CPXM2: variants seen among roughly 807,000 people sequenced by gnomAD.
CPXM2 encodes the protein carboxypeptidase X, M14 family member 2, also known as inactive carboxypeptidase-like protein X2.
CPXM2 carries 66 observed loss-of-function variants against 86.1 expected under a neutral mutation model. The ratio of observed to expected loss-of-function variants is 0.77; its 90% CI spans 0.63 to 0.94. CPXM2 has a LOEUF of 0.94. CPXM2 is among the 40% of genes least tolerant of loss of function. The probability of loss-of-function intolerance (pLI) is 0.00; values close to 1 mark genes in which losing one functional copy is unlikely to be tolerated. For synonymous variants in CPXM2, 388 were observed against 400.2 expected, an observed-to-expected ratio of 0.97 and a Z score of 0.36; for missense variants, 948 against 1,026.3, an observed-to-expected ratio of 0.92 and a Z score of 1.04.
chr10:123,905,082 A>G (rs973866978), intron 2 of CPXM2, among the ~76,000 whole-genome samples: 2 of 152,210 alleles, frequency 1.3e-5, no homozygotes, highest in African/African-American at 4.8e-5. Context: ...AGGCGCTTGC[A>G]TTCCAAGTGG....
chr10:123,922,859 A>C (rs1945588567), intron 2 of CPXM2, among the ~76,000 whole-genome samples: 1 of 152,214 alleles, frequency 6.6e-6, no homozygotes, highest in Non-Finnish European at 1.5e-5. Context: ...ACTATTGGGA[A>C]ACAGGATATT....
At chr10:123,755,433 T>G (rs1257752492) in intron 12 of CPXM2, among the ~76,000 whole-genome samples, 1 of 152,218 alleles carries the variant, frequency 6.6e-6, no homozygotes. Flanking sequence ...CTGTGTGGAT[T>G]TGGAATGTAA....
intron 2 of CPXM2, among the ~76,000 whole-genome samples, chr10:123,868,764 C>T (rs1005567265): frequency 3.9e-5 from 6 of 151,970 alleles, no homozygotes; most frequent in African/African-American, 1.5e-4. Flanking sequence ...GAAACATAGA[C>T]ACAAAGGCAA....
chr10:123,881,648 T>C (rs561232988), intron 1 of CPXM2, among the ~76,000 whole-genome samples: 1 of 152,300 alleles, frequency 6.6e-6, no homozygotes, highest in East Asian at 1.9e-4. Flanking sequence ...GTGGGAGATG[T>C]AGCCTTCCAA....
chr10:123,858,642 T>C lies in CPXM2; in HGVS notation c.513+3972A>G, dbSNP rs1307138525. On this transcript the variant is annotated intron_variant, in intron 3 of 13. Coordinates refer to ENST00000241305, the MANE Select transcript of CPXM2 (RefSeq NM_198148.3). ...GGCAGAGGTAATAATAACAGTACTGTCTTCCATGTTGGAGGAATAAATGAA... is the reference window on the plus strand; with the variant it reads ...GGCAGAGGTAATAATAACAGTACTGCCTTCCATGTTGGAGGAATAAATGAA... 2.6e-5 allele frequency among the ~76,000 whole-genome samples: 4 copies of C among 152,314 alleles called. No individual in the cohort carries two copies. The East Asian group carries it at 7.7e-4, about 29-fold the overall frequency.
chr10:123,799,354 GTAAC>G, intron 4 of CPXM2, among the ~76,000 whole-genome samples, 155 bp from the exon 5 acceptor site: 1 of 152,322 alleles, frequency 6.6e-6, no homozygotes, highest in Admixed American at 6.5e-5. Context: ...CCTCAGTCAG[GTAAC>G]TAACTGACCC....
chr10:123,746,539 T>C lies in CPXM2; in HGVS notation c.*225A>G, dbSNP rs1845974211. ...CTGAGTTCTCTCACTCCCATCAGCT[T>C]TTCTCTGCTGCTCTGTCCAAGTTAT... is the stretch of plus-strand genomic sequence containing the variant. On this transcript the variant is annotated 3_prime_UTR_variant, in exon 14 of 14. Coordinates refer to ENST00000241305, the MANE Select transcript of CPXM2 (RefSeq NM_198148.3). 1.7e-6 allele frequency: 1 copy of C among 573,262 alleles called. No homozygotes were observed. Among genetic ancestry groups the C allele is most frequent in the Admixed American group, 3.2e-5 (1 of 31,516 alleles). The allele number at this position is 573,262 out of a possible 1,614,324, so 35.5% of individuals were successfully genotyped here.
chr10:123,918,595 C>A (rs571293889), intron 2 of CPXM2, among the ~76,000 whole-genome samples: 1 of 152,310 alleles, frequency 6.6e-6, no homozygotes, highest in Non-Finnish European at 1.5e-5. Flanking sequence ...GAAATCCTCC[C>A]TTTCTGGCCA....
chr10:123,801,443 C>T (rs912093530), intron 4 of CPXM2, among the ~76,000 whole-genome samples: 2 of 152,114 alleles, frequency 1.3e-5, no homozygotes, highest in African/African-American at 2.4e-5. Context: ...AACAGAATAA[C>T]ACATTCCCCT....
intron 6 of CPXM2, among the ~76,000 whole-genome samples, chr10:123,786,193 A>G (rs1564768373): frequency 6.6e-6 from 1 of 152,206 alleles, no homozygotes; most frequent in African/African-American, 2.4e-5. Flanking sequence ...TTCACTGAAC[A>G]CTGCTACATG....
upstream of CPXM2, among the ~76,000 whole-genome samples, chr10:123,942,177 C>T (rs771101863): frequency 1.4e-4 from 22 of 152,132 alleles, no homozygotes; most frequent in Admixed American, 2.6e-4. Context: ...CTGTGGGTTT[C>T]GACCAGCTTT....
intron 6 of CPXM2, among the ~76,000 whole-genome samples, chr10:123,789,371 G>A (rs928942851): frequency 1.3e-5 from 2 of 152,208 alleles, no homozygotes; most frequent in Admixed American, 6.5e-5. Flanking sequence ...TCTCCACTGT[G>A]GGAGCAGAAG....
intron 2 of CPXM2, among the ~76,000 whole-genome samples, chr10:123,919,551 G>A (rs958221670): frequency 2.0e-5 from 3 of 152,148 alleles, no homozygotes; most frequent in Admixed American, 1.3e-4. Context: ...TCTCAGTAAA[G>A]AAATAGAACC....
chr10:123,874,654 A>C (rs1007591494), intron 2 of CPXM2, among the ~76,000 whole-genome samples: 2 of 152,238 alleles, frequency 1.3e-5, no homozygotes, highest in Non-Finnish European at 2.9e-5. Context: ...TCAGTAATAC[A>C]GAATAAAGAG....
At chr10:123,907,938 A>C (rs561011023) in intron 2 of CPXM2, among the ~76,000 whole-genome samples, 2 of 152,166 alleles carry the variant, frequency 1.3e-5, no homozygotes, top group African/African-American at 4.8e-5. Context: ...GGAGGAAGGA[A>C]GGGAGGGGGA....
chr10:123,845,606 AC>A (rs1171589168), intron 3 of CPXM2, among the ~76,000 whole-genome samples: 1 of 152,136 alleles, frequency 6.6e-6, no homozygotes, highest in African/African-American at 2.4e-5. Context: ...ACAAAAATAG[AC>A]AACAGGAGAA....
chr10:123,850,430 T>C (rs1848575809), intron 3 of CPXM2, among the ~76,000 whole-genome samples: 2 of 152,218 alleles, frequency 1.3e-5, no homozygotes, highest in South Asian at 4.1e-4. Context: ...ATAACCAATT[T>C]ATAAACTGCA....
At chr10:123,876,637 T>C (rs1214760913) in intron 2 of CPXM2, among the ~76,000 whole-genome samples, 2 of 152,234 alleles carry the variant, frequency 1.3e-5, no homozygotes, top group Non-Finnish European at 2.9e-5. Flanking sequence ...ACCTTTTAAA[T>C]GGTTATATAA....
intron 4 of CPXM2, among the ~76,000 whole-genome samples, chr10:123,822,495 T>A (rs1164408636): frequency 6.6e-6 from 1 of 152,052 alleles, no homozygotes. Flanking sequence ...ATTGTGATAT[T>A]GTTCAAAGGA....
Sources: allele counts gnomAD v4.1 joint callset (sites outside exome capture counted in the v4.1 genomes callset), GRCh38; gene constraint gnomAD v4.1.1; transcripts MANE v1.5; gene names NCBI Gene and HGNC (gene_info 2026-07-23, HGNC 2026-07-21).